LRRC4C: variants seen among roughly 807,000 people sequenced by gnomAD.
LRRC4C encodes leucine rich repeat containing 4C.
LRRC4C carries 5 observed loss-of-function variants against 33.6 expected under a neutral mutation model. That is an observed-to-expected ratio of 0.15 (90% confidence interval 0.08 to 0.31). The LOEUF (loss-of-function observed/expected upper bound fraction) is 0.31, where lower values mean the gene tolerates loss of function less well. Ranked by LOEUF, LRRC4C falls within the 10% of genes least tolerant of loss-of-function variation. The pLI, the probability that LRRC4C is intolerant of heterozygous loss-of-function variation, is 1.00. For missense variants in LRRC4C, 560 were observed against 796.7 expected, an observed-to-expected ratio of 0.70 and a Z score of 3.58; for synonymous variants, 329 against 302.0, an observed-to-expected ratio of 1.09 and a Z score of -0.93.
chr11:40,634,626 T>C (rs1565582543), intron 3 of LRRC4C, among the ~76,000 whole-genome samples: 1 of 152,044 alleles, frequency 6.6e-6, no homozygotes, highest in Non-Finnish European at 1.5e-5. Context: ...TCCTAGTACT[T>C]TGGAAGTTCA....
chr11:41,224,204 G>T (rs1947427658), intron 1 of LRRC4C, among the ~76,000 whole-genome samples: 1 of 152,084 alleles, frequency 6.6e-6, no homozygotes, highest in Non-Finnish European at 1.5e-5. Flanking sequence ...ACGTTTAGAG[G>T]GAATCATCTG....
intron 1 of LRRC4C, among the ~76,000 whole-genome samples, chr11:41,365,757 T>C (rs954111775): frequency 1.3e-5 from 2 of 152,158 alleles, no homozygotes; most frequent in African/African-American, 4.8e-5. Flanking sequence ...TAACTAGAAG[T>C]AGAACAATGT....
rs534436968 is a variant in LRRC4C, at chr11:41,324,684, C to T, written c.-496+134747G>A. Among the ~76,000 whole-genome samples, 4 of 152,190 alleles carry T rather than the reference C, an allele frequency of 2.6e-5. 1 individual carries two copies. In the South Asian group the frequency reaches 8.3e-4, roughly 32 times the overall value. The stretch of plus-strand genomic sequence containing the variant: ...TGCAAGACCCAAAATTGTCATAAAG[C>T]CTACTGTTGATGAGATGAAGAGACT... On this transcript the variant is annotated intron_variant, in intron 1 of 6. Coordinates refer to ENST00000528697, the MANE Select transcript of LRRC4C (RefSeq NM_001258419.2).
At chr11:40,742,918 C>A (rs1054890994) in intron 2 of LRRC4C, among the ~76,000 whole-genome samples, 8 of 151,958 alleles carry the variant, frequency 5.3e-5, no homozygotes, top group African/African-American at 9.7e-5. Context: ...ACCAGTAGGG[C>A]CTAGTGACAT....
intron 3 of LRRC4C, among the ~76,000 whole-genome samples, chr11:40,495,834 T>TG: frequency 1.4e-5 from 1 of 71,238 alleles, no homozygotes; most frequent in Admixed American, 1.7e-4. Flanking sequence ...TTTTTTTTTT[T>TG]TTTTTTTTTT....
intron 1 of LRRC4C, among the ~76,000 whole-genome samples, chr11:41,252,229 C>T (rs4514400): frequency 6.6e-6 from 1 of 151,946 alleles, no homozygotes; most frequent in Admixed American, 6.6e-5. Flanking sequence ...TGGAAAATGT[C>T]GAGGAGAGGT....
chr11:41,029,433 C>T (rs1316982575), intron 1 of LRRC4C, among the ~76,000 whole-genome samples: 2 of 151,750 alleles, frequency 1.3e-5, no homozygotes, highest in African/African-American at 4.8e-5. Context: ...TTTGAGAGCA[C>T]TGACATTACC....
At chr11:40,966,184 C>T (rs1851348160) in intron 1 of LRRC4C, among the ~76,000 whole-genome samples, 1 of 151,920 alleles carries the variant, frequency 6.6e-6, no homozygotes, top group Non-Finnish European at 1.5e-5. Context: ...GTTACAGGCT[C>T]ATCCTCAACA....
At chr11:40,481,359 C>T (rs1953553293) in intron 3 of LRRC4C, among the ~76,000 whole-genome samples, 1 of 151,996 alleles carries the variant, frequency 6.6e-6, no homozygotes, top group African/African-American at 2.4e-5. Flanking sequence ...ATATTCTGGC[C>T]AATGGTCATG....
intron 3 of LRRC4C, among the ~76,000 whole-genome samples, chr11:40,419,053 G>T (rs1448612403): frequency 6.6e-6 from 1 of 151,976 alleles, no homozygotes. Context: ...TGGGTTGATA[G>T]GTGCAGCCAA....
intron 2 of LRRC4C, among the ~76,000 whole-genome samples, chr11:40,855,969 T>C (rs997909992): frequency 6.6e-6 from 1 of 151,982 alleles, no homozygotes; most frequent in Non-Finnish European, 1.5e-5. Flanking sequence ...CTTCATATAT[T>C]TTTTCCTTAG....
intron 2 of LRRC4C, among the ~76,000 whole-genome samples, chr11:40,678,130 C>A (rs1944499285): frequency 6.6e-6 from 1 of 151,614 alleles, no homozygotes; most frequent in Non-Finnish European, 1.5e-5. Context: ...TCACACATCA[C>A]TTTTCTTTTT....
chr11:40,145,563 T>C (rs17385222), intron 5 of LRRC4C, among the ~76,000 whole-genome samples: 4,243 of 152,290 alleles, frequency 0.028, 91 homozygotes, highest in Middle Eastern at 0.088. Context: ...CCTTATCTAT[T>C]GATTACCTAT....
intron 1 of LRRC4C, among the ~76,000 whole-genome samples, chr11:41,116,780 T>A (rs1942154384): frequency 1.3e-5 from 2 of 152,130 alleles, no homozygotes. Flanking sequence ...ATAATTTTGA[T>A]TAAGTTATTG....
At chr11:40,408,381 C>T (rs151106418) in intron 3 of LRRC4C, among the ~76,000 whole-genome samples, 5 of 152,064 alleles carry the variant, frequency 3.3e-5, no homozygotes, top group South Asian at 4.1e-4. Context: ...TATGTTTAAA[C>T]ACCTAACACA....
chr11:41,116,318 T>A (rs1244615129), intron 1 of LRRC4C, among the ~76,000 whole-genome samples: 1 of 152,122 alleles, frequency 6.6e-6, no homozygotes, highest in African/African-American at 2.4e-5. Context: ...GCTCATAGGT[T>A]GCAGGAGAAT....
intron 2 of LRRC4C, among the ~76,000 whole-genome samples, chr11:40,805,103 CT>C (rs1951188906): frequency 6.6e-6 from 1 of 152,154 alleles, no homozygotes; most frequent in African/African-American, 2.4e-5. Context: ...ACAATGAAGC[CT>C]GAGCCTAAGC....
intron 5 of LRRC4C, among the ~76,000 whole-genome samples, chr11:40,147,429 AC>A (rs1456106890): frequency 6.6e-6 from 1 of 152,054 alleles, no homozygotes; most frequent in Non-Finnish European, 1.5e-5. Context: ...AAAACTAAGA[AC>A]CTGGCTTGCT....
chr11:40,526,461 A>G (rs890946761), intron 3 of LRRC4C, among the ~76,000 whole-genome samples: 2 of 149,938 alleles, frequency 1.3e-5, no homozygotes, highest in African/African-American at 5.1e-5. Context: ...CTAAATGGCC[A>G]ATAAACAAAT....
Sources: allele counts gnomAD v4.1 joint callset (sites outside exome capture counted in the v4.1 genomes callset), GRCh38; gene constraint gnomAD v4.1.1; transcripts MANE v1.5; gene names NCBI Gene and HGNC (gene_info 2026-07-23, HGNC 2026-07-21).